Variants in NRP1 observed in about 807,000 individuals in gnomAD.
The protein encoded by NRP1 is neuropilin-1.
NRP1 carries 35 observed loss-of-function variants against 106.7 expected under a neutral mutation model. The observed-to-expected ratio is 0.33, with a 90% confidence interval of 0.25 to 0.43. NRP1 has a LOEUF of 0.43. Ranked by LOEUF, NRP1 falls within the 20% of genes least tolerant of loss-of-function variation. The pLI is 1.00. For synonymous variants in NRP1, 437 were observed against 417.9 expected (o/e 1.05, Z -0.56); for missense variants, 1,024 against 1,170.4 (o/e 0.87, Z 1.83).
chr10:33,323,938 A>T (rs778484618), intron 2 of NRP1, among the ~76,000 whole-genome samples: 1 of 152,180 alleles, frequency 6.6e-6, no homozygotes, highest in Non-Finnish European at 1.5e-5. Context: ...GGATCAGTTA[A>T]GTGCCTGCTC....
At chr10:33,322,876 T>C (rs774363112) in intron 2 of NRP1, among the ~76,000 whole-genome samples, 65 of 152,354 alleles carry the variant, frequency 4.3e-4, no homozygotes, top group Middle Eastern at 6.8e-3. Flanking sequence ...TAACGTTTCA[T>C]GAGAATTTCC....
intron 6 of NRP1, among the ~76,000 whole-genome samples, chr10:33,239,074 T>G (rs922413895): frequency 9.9e-5 from 15 of 152,036 alleles, no homozygotes; most frequent in African/African-American, 3.6e-4. Flanking sequence ...GTGGATCACT[T>G]GAGCTCAGGA....
chr10:33,278,899 G>C (rs1379258550), intron 2 of NRP1, among the ~76,000 whole-genome samples: 1 of 152,024 alleles, frequency 6.6e-6, no homozygotes, highest in Admixed American at 6.5e-5. Context: ...TGATGAGATA[G>C]GTAATCAGGT....
At chr10:33,271,133 A>G (rs1843286298) in intron 2 of NRP1, among the ~76,000 whole-genome samples, 1 of 152,242 alleles carries the variant, frequency 6.6e-6, no homozygotes, top group Non-Finnish European at 1.5e-5. Flanking sequence ...GTAACCAATT[A>G]AAAAGAAAAA....
chr10:33,326,233 G>T (rs1847882307), intron 2 of NRP1, among the ~76,000 whole-genome samples: 1 of 152,126 alleles, frequency 6.6e-6, no homozygotes, highest in Non-Finnish European at 1.5e-5. Context: ...TTATTATACA[G>T]ATATAAACTT....
rs767787884 is a variant in NRP1 at position 33,197,641 on chromosome 10, A to G, written c.1924+9T>C. Reference sequence around the variant, plus strand: ...TGGAATCTGTCACATTTCGTATTTTATTTGATACCTGATTGTATGGTGCTG... The same window carrying G: ...TGGAATCTGTCACATTTCGTATTTTGTTTGATACCTGATTGTATGGTGCTG... On this transcript the variant is annotated intron_variant, in intron 12 of 16. Coordinates refer to ENST00000374867, the MANE Select transcript of NRP1 (RefSeq NM_003873.7). The G allele has an allele frequency of 1.9e-6, 3 of 1,595,716 alleles. No homozygotes were observed. The highest frequency in any genetic ancestry group is 2.3e-5 in the East Asian group (1 of 44,160).
Position 33,330,850 on chromosome 10 carries a change from G to C in NRP1, c.106C>G (p.Pro36Ala). 1 of 1,609,924 alleles carries C rather than the reference G, an allele frequency of 6.2e-7. No individual in the cohort carries two copies. Among genetic ancestry groups the C allele is most frequent in the Non-Finnish European group, 8.5e-7 (1 of 1,177,896 alleles). ...KCGDTIKIES[P>A]GYLTSPGYPH... is the part of the protein sequence containing the mutation. ...TAACCAGGAGATGTAAGGTACCCGGGGCTTTCAATTTTTATAGTATCGCCA... is the reference window on the plus strand; with the variant it reads ...TAACCAGGAGATGTAAGGTACCCGGCGCTTTCAATTTTTATAGTATCGCCA... The change falls in exon 2 of 17, where the codon CCC becomes GCC. Residue 36 changes from proline (P) to alanine (A), a missense_variant. Pro to Ala is a conservative substitution (Grantham distance 27). Coordinates refer to ENST00000374867, the MANE Select transcript of NRP1 (RefSeq NM_003873.7).
chr10:33,282,158 A>T (rs1179465707), intron 2 of NRP1, among the ~76,000 whole-genome samples: 1 of 151,426 alleles, frequency 6.6e-6, no homozygotes, highest in Non-Finnish European at 1.5e-5. Flanking sequence ...GAAATCCGTT[A>T]AGTGTTTCCA....
intron 6 of NRP1, among the ~76,000 whole-genome samples, chr10:33,247,238 A>T (rs2077802): frequency 0.18 from 26,804 of 152,110 alleles, 2,785 homozygotes; most frequent in East Asian, 0.51. Context: ...GTGATAAATA[A>T]ATATCATACT....
At chr10:33,322,846 T>C (rs1200423652) in intron 2 of NRP1, among the ~76,000 whole-genome samples, 2 of 152,248 alleles carry the variant, frequency 1.3e-5, no homozygotes, top group Middle Eastern at 3.2e-3. Flanking sequence ...AAAGAGTTGC[T>C]TGAAGAAAAA....
In NRP1 at chr10:33,207,567, A is replaced by G. The variant is rs771847523; in HGVS notation, c.1759+5T>C. 3.7e-5 allele frequency: 60 copies of G among 1,613,964 alleles called. No individual in the cohort carries two copies. The East Asian group carries it at 1.3e-3, about 35-fold the overall frequency. On this transcript the variant is annotated splice_donor_5th_base_variant and intron_variant, in intron 10 of 16. Transcript: ENST00000374867. Reference sequence around the variant, plus strand: ...ATGAGAAGTAACTCTGGAGATCATAATTACCTTCCACTTCACAGCCCAGCA... The same window carrying G: ...ATGAGAAGTAACTCTGGAGATCATAGTTACCTTCCACTTCACAGCCCAGCA...
chr10:33,248,730 G>C (rs761766912), intron 6 of NRP1, among the ~76,000 whole-genome samples: 2 of 145,098 alleles, frequency 1.4e-5, no homozygotes, highest in Non-Finnish European at 3.0e-5. Flanking sequence ...GAAAGAAGAG[G>C]CTCTTGCCTC....
intron 4 of NRP1, among the ~76,000 whole-genome samples, chr10:33,258,058 G>T (rs1025411017): frequency 6.6e-6 from 1 of 152,178 alleles, no homozygotes. Flanking sequence ...TTGGATGCAG[G>T]ATGCGGCTGA....
intron 15 of NRP1, among the ~76,000 whole-genome samples, chr10:33,184,805 A>G (rs1835899274): frequency 6.6e-6 from 1 of 152,184 alleles, no homozygotes; most frequent in Non-Finnish European, 1.5e-5. Flanking sequence ...AAGCTTTGTA[A>G]GTTGCTGAAG....
At chr10:33,299,257 T>C (rs962935991) in intron 2 of NRP1, among the ~76,000 whole-genome samples, 2 of 152,112 alleles carry the variant, frequency 1.3e-5, no homozygotes, top group African/African-American at 2.4e-5. Flanking sequence ...CCCCAATCCT[T>C]AGAACTACCT....
At chr10:33,287,539 T>C (rs761405735) in intron 2 of NRP1, among the ~76,000 whole-genome samples, 1 of 152,228 alleles carries the variant, frequency 6.6e-6, no homozygotes, top group Non-Finnish European at 1.5e-5. Flanking sequence ...TTTTAGAAGC[T>C]TGGAGAGAAA....
intron 5 of NRP1, among the ~76,000 whole-genome samples, chr10:33,256,024 T>C (rs555344599): frequency 6.6e-6 from 1 of 152,302 alleles, no homozygotes; most frequent in African/African-American, 2.4e-5. Context: ...GGGTGCCAGG[T>C]AGATGCTCTA....
intron 12 of NRP1, among the ~76,000 whole-genome samples, chr10:33,196,253 G>T (rs1836776693): frequency 6.6e-6 from 1 of 152,036 alleles, no homozygotes; most frequent in East Asian, 1.9e-4. Flanking sequence ...CTTCATAGTG[G>T]CTTTAATTAC....
At chr10:33,238,788 A>G (rs1840775139) in intron 6 of NRP1, among the ~76,000 whole-genome samples, 1 of 152,158 alleles carries the variant, frequency 6.6e-6, no homozygotes. Context: ...TACCTCATTT[A>G]GTCATTCTGC....
Sources: allele counts gnomAD v4.1 joint callset (sites outside exome capture counted in the v4.1 genomes callset), GRCh38; gene constraint gnomAD v4.1.1; transcripts MANE v1.5; gene names NCBI Gene and HGNC (gene_info 2026-07-23, HGNC 2026-07-21).